Variants in TMEM161B observed in about 807,000 individuals in gnomAD.
TMEM161B encodes the protein transmembrane protein 161B.
TMEM161B carries 34 observed loss-of-function variants against 61.8 expected under a neutral mutation model. The ratio of observed to expected loss-of-function variants is 0.55; its 90% CI spans 0.42 to 0.73. TMEM161B has a LOEUF of 0.73. Among genes scored for constraint, TMEM161B ranks in the 30% least tolerant of loss-of-function variants. The pLI, the probability that TMEM161B is intolerant of heterozygous loss-of-function variation, is 0.00. For missense variants in TMEM161B, 456 were observed against 558.5 expected (o/e 0.82, Z 1.85); for synonymous variants, 167 against 192.8 (o/e 0.87, Z 1.11).
At chr5:88,236,090 A>C (rs1327488748) in intron 2 of TMEM161B, among the ~76,000 whole-genome samples, 2 of 152,198 alleles carry the variant, frequency 1.3e-5, no homozygotes, top group Non-Finnish European at 2.9e-5. Context: ...TTACTGGATC[A>C]GGCAACATGC....
chr5:88,187,784 A>G (rs1748445367), downstream of TMEM161B, among the ~76,000 whole-genome samples: 1 of 151,826 alleles, frequency 6.6e-6, no homozygotes, highest in Non-Finnish European at 1.5e-5. Context: ...AATTTTCTCT[A>G]TTATACATTT....
In TMEM161B at chr5:88,239,346, T is replaced by C. The variant is rs181183034; in HGVS notation, c.107+1467A>G. On this transcript the variant is annotated intron_variant, in intron 2 of 11. Transcript: ENST00000296595. ...ATAAACATAGTTTAGAAACACGCAA[T>C]TCTCAAGAGAAAGTAAGCTGCCTTA... Among the ~76,000 whole-genome samples the C allele has an allele frequency of 3.0e-4, 46 of 152,116 alleles. No homozygotes were observed. In the East Asian group the frequency reaches 6.8e-3, roughly 22 times the overall value.
chr5:88,235,523 A>C (rs1751703751), intron 2 of TMEM161B, among the ~76,000 whole-genome samples: 1 of 152,100 alleles, frequency 6.6e-6, no homozygotes, highest in South Asian at 2.1e-4. Flanking sequence ...TGCCCTTTTA[A>C]AAGGAGGTCA....
Position 88,262,206 on chromosome 5 carries a change from T to C in TMEM161B, c.3+6515A>G, listed in dbSNP as rs147875672. On this transcript the variant is annotated intron_variant, in intron 1 of 11. Coordinates refer to ENST00000296595, the MANE Select transcript of TMEM161B (RefSeq NM_153354.5). ...GTCATTAGGAAAATACAAATTAAAA[T>C]AAGGAAATACCATTATACACCTATT... Among the ~76,000 whole-genome samples, 9 of 152,166 alleles carry C rather than the reference T, an allele frequency of 5.9e-5. No individual in the cohort carries two copies. In the East Asian group the frequency reaches 9.7e-4, roughly 16 times the overall value.
chr5:88,204,360 A>AT (rs2112395946), intron 8 of TMEM161B, among the ~76,000 whole-genome samples: 1 of 152,306 alleles, frequency 6.6e-6, no homozygotes, highest in South Asian at 2.1e-4. Context: ...AAATCTTAAA[A>AT]TGAAGCCACA....
At chr5:88,207,721 C>T (rs1745796298) in intron 5 of TMEM161B, among the ~76,000 whole-genome samples, 1 of 152,146 alleles carries the variant, frequency 6.6e-6, no homozygotes, top group African/African-American at 2.4e-5. Flanking sequence ...TTAAAATAGG[C>T]TGAAGAGATT....
At chr5:88,261,804 T>G (rs1207777356) in intron 1 of TMEM161B, among the ~76,000 whole-genome samples, 2 of 128,876 alleles carry the variant, frequency 1.6e-5, no homozygotes, top group African/African-American at 2.9e-5. Flanking sequence ...AAATAGAACA[T>G]AGACCTAAAT....
At chr5:88,201,074 T>C (rs1744313036) in intron 9 of TMEM161B, 1 of 151,974 alleles carries the variant, frequency 6.6e-6, no homozygotes, top group African/African-American at 2.4e-5. Flanking sequence ...AAACTGCCTC[T>C]AATAACTTAA....
chr5:88,226,209 G>A (rs1750023400), intron 3 of TMEM161B, among the ~76,000 whole-genome samples: 2 of 151,978 alleles, frequency 1.3e-5, no homozygotes, highest in South Asian at 4.2e-4. Context: ...AAGACAAAGT[G>A]CACTTCTCCT....
At chr5:88,198,049 T>A in intron 10 of TMEM161B, 1 of 221,214 alleles carries the variant, frequency 4.5e-6, no homozygotes, top group Non-Finnish European at 8.8e-6. Context: ...AAGATTCAAA[T>A]GGTATATATT....
intron 1 of TMEM161B, among the ~76,000 whole-genome samples, chr5:88,249,976 A>C (rs1443105842): frequency 6.6e-6 from 1 of 152,190 alleles, no homozygotes; most frequent in Non-Finnish European, 1.5e-5. Flanking sequence ...CTGCAGGGCC[A>C]GCTGGACCAG....
chr5:88,210,997 T>C (rs1341866363), intron 5 of TMEM161B, among the ~76,000 whole-genome samples: 6 of 152,160 alleles, frequency 3.9e-5, no homozygotes, highest in Non-Finnish European at 8.8e-5. Flanking sequence ...GCCTACTTTG[T>C]TCCCCTAATC....
intron 1 of TMEM161B, among the ~76,000 whole-genome samples, chr5:88,252,438 A>G (rs1352546289): frequency 1.3e-5 from 2 of 152,200 alleles, no homozygotes; most frequent in Non-Finnish European, 2.9e-5. Flanking sequence ...AAAATTAGAT[A>G]TAGCGATATA....
chr5:88,265,913 C>T (rs1754578561), intron 1 of TMEM161B, among the ~76,000 whole-genome samples: 1 of 152,212 alleles, frequency 6.6e-6, no homozygotes, highest in South Asian at 2.1e-4. Flanking sequence ...CAGGAGCTAG[C>T]TCTAATCTAC....
At chr5:88,202,302 C>A in intron 9 of TMEM161B, 1 of 268,838 alleles carries the variant, frequency 3.7e-6, no homozygotes, top group South Asian at 4.1e-5. Context: ...TGTTTGTTTC[C>A]TCACCATCTT....
At chr5:88,207,601 A>C (rs1745769154) in intron 5 of TMEM161B, among the ~76,000 whole-genome samples, 1 of 152,208 alleles carries the variant, frequency 6.6e-6, no homozygotes, top group Non-Finnish European at 1.5e-5. Context: ...TGGTATGAAA[A>C]CTAAGTGTCT....
At chr5:88,217,927 C>T (rs981320815) in intron 5 of TMEM161B, among the ~76,000 whole-genome samples, 1 of 143,106 alleles carries the variant, frequency 7.0e-6, no homozygotes, top group Non-Finnish European at 1.5e-5. Flanking sequence ...AAAACCTTAA[C>T]AAAATCTATC....
In TMEM161B at chr5:88,220,249, T is replaced by C. The variant is rs144290561; in HGVS notation, c.446+314A>G. Among the ~76,000 whole-genome samples, 443 of 152,078 alleles carry C rather than the reference T, an allele frequency of 2.9e-3. 1 individual carries two copies. The highest frequency in any genetic ancestry group is 9.8e-3 in the African/African-American group (406 of 41,520). On this transcript the variant is annotated intron_variant, in intron 5 of 11. Transcript: ENST00000296595. ...GAAGAGGGAGAAAGGTGCAATAATA[T>C]ATAAATAGTAACATTATCACAAAAT...
intron 9 of TMEM161B, 194 bp downstream of exon 9, chr5:88,202,768 C>A: frequency 1.7e-6 from 1 of 596,484 alleles, no homozygotes; most frequent in Non-Finnish European, 3.0e-6. Flanking sequence ...TAATCATTAA[C>A]ATTAACTAAT....
Sources: allele counts gnomAD v4.1 joint callset (sites outside exome capture counted in the v4.1 genomes callset), GRCh38; gene constraint gnomAD v4.1.1; transcripts MANE v1.5; gene names NCBI Gene and HGNC (gene_info 2026-07-23, HGNC 2026-07-21).